Variants in WNT9A observed in about 807,000 individuals in gnomAD.
WNT9A encodes the protein Wnt family member 9A.
In WNT9A, 8 loss-of-function variants were observed where a neutral mutation model predicts 31.4. That is an observed-to-expected ratio of 0.26 (90% CI 0.15 to 0.46). WNT9A has a LOEUF of 0.46. Ranked by LOEUF, WNT9A falls within the 20% of genes least tolerant of loss-of-function variation. The pLI is 0.99. For missense variants in WNT9A, 457 were observed against 522.9 expected, an observed-to-expected ratio of 0.87 and a Z score of 1.23; for synonymous variants, 236 against 220.1, an observed-to-expected ratio of 1.07 and a Z score of -0.64.
Position 227,928,438 on chromosome 1 carries a change from C to A in WNT9A, c.96-2919G>T, listed in dbSNP as rs1459778478. On this transcript the variant is annotated intron_variant, in intron 1 of 3. Coordinates refer to ENST00000272164, the MANE Select transcript of WNT9A (RefSeq NM_003395.4). The surrounding 1 kb of genome is among the most constrained non-coding windows in gnomAD (Gnocchi z 4.5). ...TGGCCTGAGGCCCAAAGGCTACGCC[C>A]TTCCCTGGAGTATTCACTGAATTCT... is the stretch of plus-strand genomic sequence containing the variant. Among the ~76,000 whole-genome samples, 1 of 152,204 alleles carries A rather than the reference C, an allele frequency of 6.6e-6. No homozygotes were observed. Among genetic ancestry groups the A allele is most frequent in the Non-Finnish European group, 1.5e-5 (1 of 68,016 alleles).
Position 227,923,754 on chromosome 1 carries a change from G to A in WNT9A, c.615+384C>T, listed in dbSNP as rs917017168. ...GCACATCTTCCTCCCACCGGTCTTCGTGACAAGCCTGCCAGCTGGCTGACA... is the reference window on the plus strand; with the variant it reads ...GCACATCTTCCTCCCACCGGTCTTCATGACAAGCCTGCCAGCTGGCTGACA... On this transcript the variant is annotated intron_variant, in intron 3 of 3. Coordinates refer to ENST00000272164, the MANE Select transcript of WNT9A (RefSeq NM_003395.4). Among the ~76,000 whole-genome samples, 8 of 152,194 alleles carry A rather than the reference G, an allele frequency of 5.3e-5. No individual in the cohort carries two copies. The East Asian group carries it at 9.7e-4, about 18-fold the overall frequency.
chr1:227,943,497 G>A lies in WNT9A; in HGVS notation c.95+4296C>T, dbSNP rs144713812. ...ATGAGGCCACGAAAAGATGCTCAGC[G>A]CCACTGGCCACCTGACAAATGCAGT... On this transcript the variant is annotated intron_variant, in intron 1 of 3. Transcript: ENST00000272164. Among the ~76,000 whole-genome samples the A allele has an allele frequency of 2.1e-3, 326 of 152,358 alleles. 1 individual carries two copies. Among genetic ancestry groups the A allele is most frequent in the Middle Eastern group, 0.01 (3 of 294 alleles).
chr1:227,922,656 G>C (rs770311854), intron 3 of WNT9A, among the ~76,000 whole-genome samples: 30 of 152,048 alleles, frequency 2.0e-4, no homozygotes, highest in African/African-American at 3.4e-4. Flanking sequence ...GGCCCCAGAG[G>C]GGGGTGCACC....
At position 227,920,742 on chromosome 1, in the gene WNT9A, A is replaced by C. The variant is rs1666297451; in HGVS notation, c.*776T>G. 6.6e-6 allele frequency: 1 copy of C among 152,150 alleles called. No homozygotes were observed. Among genetic ancestry groups the C allele is most frequent in the South Asian group, 2.1e-4 (1 of 4,818 alleles). 9.4% of individuals were successfully genotyped at this position (152,150 alleles called of 1,614,324 possible). On this transcript the variant is annotated 3_prime_UTR_variant, in exon 4 of 4. Transcript: ENST00000272164. ...TCAGAGGAGGTGGGGAGGGAAAGCC[A>C]ATGGACTGGCATGGGGAGCCGCTTC...
intron 1 of WNT9A, among the ~76,000 whole-genome samples, chr1:227,927,385 C>T (rs1040304881): frequency 6.6e-6 from 1 of 152,148 alleles, no homozygotes; most frequent in Non-Finnish European, 1.5e-5. Flanking sequence ...ACAGGAGGGA[C>T]CAGCCAGTCC....
intron 1 of WNT9A, among the ~76,000 whole-genome samples, chr1:227,945,908 C>G (rs56981472): frequency 2.6e-5 from 4 of 152,320 alleles, no homozygotes; most frequent in Admixed American, 6.5e-5. Flanking sequence ...GATGCCCCCC[C>G]AGCCCCTGGT....
intron 1 of WNT9A, among the ~76,000 whole-genome samples, chr1:227,930,084 C>T (rs1049184780): frequency 1.3e-4 from 20 of 152,326 alleles, no homozygotes; most frequent in East Asian, 1.9e-4. Context: ...ATAGCCTGCA[C>T]GTGCATTGTA....
intron 3 of WNT9A, among the ~76,000 whole-genome samples, chr1:227,922,576 C>A (rs1666341444): frequency 6.6e-6 from 1 of 152,212 alleles, no homozygotes; most frequent in Non-Finnish European, 1.5e-5. Flanking sequence ...AGCAGGGAGG[C>A]CCACGCTGCA....
chr1:227,946,214 G>A (rs1322581267), intron 1 of WNT9A, among the ~76,000 whole-genome samples: 1 of 152,254 alleles, frequency 6.6e-6, no homozygotes. Flanking sequence ...ACACAAAGCA[G>A]CAGAGCCCCT....
intron 1 of WNT9A, among the ~76,000 whole-genome samples, chr1:227,940,627 G>A (rs1335665464): frequency 2.0e-5 from 3 of 152,222 alleles, no homozygotes; most frequent in South Asian, 2.1e-4. Context: ...GGGAGGCTCT[G>A]GCAGCAGCTC....
chr1:227,927,489 G>A (rs74425643), intron 1 of WNT9A, among the ~76,000 whole-genome samples: 14,276 of 152,238 alleles, frequency 0.094, 746 homozygotes, highest in South Asian at 0.12. Flanking sequence ...CAAATGCCCT[G>A]GGGGTCAGGA....
intron 1 of WNT9A, among the ~76,000 whole-genome samples, chr1:227,945,155 C>T (rs1032601676): frequency 6.6e-6 from 1 of 152,216 alleles, no homozygotes; most frequent in African/African-American, 2.4e-5. Flanking sequence ...GAGGACAAAC[C>T]ATGTCCTCAG....
rs1666264358 is a variant in WNT9A at position 227,919,231 on chromosome 1, T to C, written c.*2287A>G. The C allele has an allele frequency of 6.6e-6, 1 of 152,226 alleles. No individual in the cohort carries two copies. Among genetic ancestry groups the C allele is most frequent in the African/African-American group, 2.4e-5 (1 of 41,442 alleles). 9.4% of individuals were successfully genotyped at this position (152,226 alleles called of 1,614,324 possible). On this transcript the variant is annotated 3_prime_UTR_variant, in exon 4 of 4. Transcript: ENST00000272164. ...CATGTCATGAGGGTGTGGCCAGCTA[T>C]GCTGCTCAGGGACCAGTGGATGCGG...
intron 1 of WNT9A, among the ~76,000 whole-genome samples, chr1:227,946,728 AGGCGGCCTCTCCCTGCCCG>A (rs1489487068): frequency 6.6e-6 from 1 of 152,264 alleles, no homozygotes; most frequent in Non-Finnish European, 1.5e-5. Flanking sequence ...TCCTCGGCCC[AGGCGGCCTCTCCCTGCCCG>A]GGCGGGTGCC....
In WNT9A at chr1:227,947,902, G is replaced by A. The variant is rs760706092; in HGVS notation, c.-15C>T. On this transcript the variant is annotated 5_prime_UTR_variant, in exon 1 of 4. Coordinates refer to ENST00000272164, the MANE Select transcript of WNT9A (RefSeq NM_003395.4). ...CCATCCAGCATCTTGCCGCGCCTCGGCGGCCGACCATCGCGCTCCCAGCTC... is the reference window on the plus strand; with the variant it reads ...CCATCCAGCATCTTGCCGCGCCTCGACGGCCGACCATCGCGCTCCCAGCTC... 7.8e-5 allele frequency: 83 copies of A among 1,060,650 alleles called. No individual in the cohort carries two copies. The African/African-American group carries it at 1.1e-3, about 14-fold the overall frequency. 65.7% of individuals were successfully genotyped at this position (1,060,650 alleles called of 1,614,324 possible).
At position 227,925,587 on chromosome 1, in the gene WNT9A, G is replaced by T; in HGVS notation, c.96-68C>A. On this transcript the variant is annotated intron_variant, in intron 1 of 3. Transcript: ENST00000272164. This position sits in a 1 kb window ranked among gnomAD's most constrained non-coding sequence, Gnocchi z 6.0. ...CTGCTGGAGCCTGGCCAGGTGTCTC[G>T]GTGGCCAGGGTACAGGGGACAGGCG... The T allele has an allele frequency of 6.9e-7, 1 of 1,444,044 alleles. No individual in the cohort carries two copies. The allele number at this position is 1,444,044 out of a possible 1,614,324, so 89.5% of individuals were successfully genotyped here.
chr1:227,935,125 T>C (rs1666571572), intron 1 of WNT9A, among the ~76,000 whole-genome samples: 2 of 150,190 alleles, frequency 1.3e-5, no homozygotes, highest in Non-Finnish European at 3.0e-5. Context: ...ACAGCCCCAG[T>C]TCACCATACA....
chr1:227,947,592 G>C (rs1245451103), intron 1 of WNT9A, among the ~76,000 whole-genome samples: 1 of 150,444 alleles, frequency 6.6e-6, no homozygotes, highest in Non-Finnish European at 1.5e-5. Context: ...GCGCAAGCCG[G>C]ACGGGTCCAC....
At position 227,942,611 on chromosome 1, in the gene WNT9A, G is replaced by A. The variant is rs550024386; in HGVS notation, c.95+5182C>T. Among the ~76,000 whole-genome samples the A allele has an allele frequency of 6.6e-6, 1 of 152,220 alleles. No individual in the cohort carries two copies. Among genetic ancestry groups the A allele is most frequent in the Admixed American group, 6.5e-5 (1 of 15,296 alleles). ...GCCCTCTGCTGAGGTCTGCCCCACT[G>A]AGCCACTTCCACGATCTCTCGAAAC... is the stretch of plus-strand genomic sequence containing the variant. On this transcript the variant is annotated intron_variant, in intron 1 of 3. Coordinates refer to ENST00000272164, the MANE Select transcript of WNT9A (RefSeq NM_003395.4). This position sits in a 1 kb window ranked among gnomAD's most constrained non-coding sequence, Gnocchi z 5.7.
Sources: gnomAD v4.1 joint callset for allele counts (sites outside exome capture counted in the v4.1 genomes callset) on GRCh38, gnomAD v4.1.1 for gene constraint, Gnocchi (gnomAD v3.1) non-coding constraint, MANE v1.5 for transcripts, NCBI Gene and HGNC (gene_info 2026-07-23, HGNC 2026-07-21) for gene names.